Variants in PSMG2 observed in about 807,000 individuals in gnomAD.
The protein encoded by PSMG2 is CD40 ligand-activated specific transcript 3.
Under a neutral mutation model 31.5 loss-of-function variants are expected in PSMG2, and 21 were observed. The ratio of observed to expected loss-of-function variants is 0.67; its 90% CI spans 0.47 to 0.96. PSMG2 has a LOEUF of 0.96. PSMG2 is among the 40% of genes least tolerant of loss of function. PSMG2 has a pLI of 0.00. For missense variants in PSMG2, 318 were observed against 321.2 expected (o/e 0.99, Z 0.08); for synonymous variants, 120 against 110.4 (o/e 1.09, Z -0.54).
At chr18:12,703,018 G>A, upstream of PSMG2, 4 of 1,456,262 alleles carry the variant, frequency 2.7e-6, no homozygotes, top group South Asian at 5.0e-5. Context: ...CGCGCCCCGC[G>A]AGGCTCCGGG....
chr18:12,691,649 C>T (rs552734271), intron 1 of PSMG2, among the ~76,000 whole-genome samples: 5 of 152,220 alleles, frequency 3.3e-5, no homozygotes, highest in African/African-American at 9.6e-5. Flanking sequence ...ACACTTACCC[C>T]TAGTACAATC....
At chr18:12,699,838 A>T (rs2040089507), upstream of PSMG2, 1 of 1,555,192 alleles carries the variant, frequency 6.4e-7, no homozygotes, top group Non-Finnish European at 8.8e-7. Context: ...ACTTTTTTTT[A>T]ATGTCGATTG....
chr18:12,687,454 AT>A (rs1259960536), intron 1 of PSMG2, among the ~76,000 whole-genome samples: 2,458 of 140,694 alleles, frequency 0.017, 11 homozygotes, highest in East Asian at 0.02. Flanking sequence ...GAAGGCATCA[AT>A]TTTTTTTTTT....
chr18:12,703,135 C>T lies in PSMG2; in HGVS notation c.28C>T (p.Pro10Ser), dbSNP rs1219188878. The T allele has an allele frequency of 1.2e-6, 2 of 1,612,406 alleles. No individual in the cohort carries two copies. Among genetic ancestry groups the T allele is most frequent in the East Asian group, 4.5e-5 (2 of 44,806 alleles). Residue 10 changes from proline to serine, a missense_variant, in exon 1 of 7, where the codon CCC (proline) becomes TCC (serine). Transcript: ENST00000317615. The stretch of plus-strand genomic sequence containing the variant: ...GTTCGTTCCCTGCGGGGAGTCGGCC[C>T]CCGACCTTGCCGGCTTCACCCTCCT... Reference protein sequence around the residue: MFVPCGESAPDLAGFTLLMP... With the variant: MFVPCGESASDLAGFTLLMP...
upstream of PSMG2, chr18:12,699,707 T>G (rs1364648233): frequency 3.3e-6 from 2 of 598,762 alleles, no homozygotes; most frequent in Admixed American, 7.2e-5. Flanking sequence ...TAGCCAACCA[T>G]AAAATTTTAA....
At chr18:12,664,761 C>A (rs2038771515) in intron 1 of PSMG2, among the ~76,000 whole-genome samples, 1 of 149,466 alleles carries the variant, frequency 6.7e-6, no homozygotes, top group Non-Finnish European at 1.5e-5. Flanking sequence ...TGCAGTGGTA[C>A]AATCTCAGCT....
At chr18:12,678,532 T>G in intron 1 of PSMG2, 1 of 789,726 alleles carries the variant, frequency 1.3e-6, no homozygotes, top group Non-Finnish European at 2.0e-6. Flanking sequence ...CTTAAGGCCA[T>G]AACTACTTCT....
chr18:12,702,413 C>T, upstream of PSMG2: 2 of 1,210,266 alleles, frequency 1.7e-6, no homozygotes, highest in Non-Finnish European at 2.4e-6. Context: ...CCGCTGTCGG[C>T]CCGGGGCCGC....
chr18:12,708,700 CT>C (rs71371298), intron 2 of PSMG2, among the ~76,000 whole-genome samples: 1,104 of 88,732 alleles, frequency 0.012, 4 homozygotes, highest in Non-Finnish European at 0.015. Flanking sequence ...TTACAACGTT[CT>C]TTTTTTTTTT....
At chr18:12,681,755 T>C (rs570436311) in intron 1 of PSMG2, among the ~76,000 whole-genome samples, 2 of 152,174 alleles carry the variant, frequency 1.3e-5, no homozygotes, top group Non-Finnish European at 2.9e-5. Flanking sequence ...GGGGAGGTTA[T>C]ATATAATTTT....
At chr18:12,661,382 A>G (rs2038693146) in intron 1 of PSMG2, 2 of 983,496 alleles carry the variant, frequency 2.0e-6, no homozygotes, top group African/African-American at 1.7e-5. Context: ...ACTGCTGACC[A>G]CTCAAAGGCT....
chr18:12,725,373 A>G (rs1435060750), intron 6 of PSMG2, 66 bp from the exon 7 acceptor site: 9 of 1,290,102 alleles, frequency 7.0e-6, no homozygotes, highest in Non-Finnish European at 1.1e-6. Context: ...GAGTTTTATA[A>G]TTCACTTTAA....
intron 1 of PSMG2, among the ~76,000 whole-genome samples, chr18:12,665,920 C>T (rs1009982089): frequency 7.2e-5 from 11 of 152,136 alleles, no homozygotes; most frequent in Non-Finnish European, 1.3e-4. Flanking sequence ...TGGTCTTGAA[C>T]GCCTGACCCC....
intron 1 of PSMG2, among the ~76,000 whole-genome samples, chr18:12,681,749 A>G (rs1383367332): frequency 6.6e-6 from 1 of 152,174 alleles, no homozygotes; most frequent in Non-Finnish European, 1.5e-5. Flanking sequence ...ATTACTGGGG[A>G]GGTTATATAT....
Position 12,719,468 on chromosome 18 carries a change from A to G in PSMG2, c.407+833A>G, listed in dbSNP as rs560891382. ...AGTGGCATGGTCTCAGCTCACTGCA[A>G]CCTCCACCTCCTGGATTCAAGCGAT... is the stretch of plus-strand genomic sequence containing the variant. On this transcript the variant is annotated intron_variant, in intron 4 of 6. Transcript: ENST00000317615. 3.3e-5 allele frequency among the ~76,000 whole-genome samples: 5 copies of G among 150,650 alleles called. No homozygotes were observed. In the South Asian group the frequency reaches 8.4e-4, roughly 25 times the overall value.
intron 1 of PSMG2, among the ~76,000 whole-genome samples, chr18:12,675,923 C>A (rs1057231985): frequency 2.0e-5 from 3 of 152,064 alleles, no homozygotes; most frequent in Non-Finnish European, 4.4e-5. Context: ...CCCACCTCGG[C>A]CTCCCAAAGT....
At chr18:12,699,837 T>A (rs775897465), upstream of PSMG2, 40 of 1,554,314 alleles carry the variant, frequency 2.6e-5, no homozygotes, top group South Asian at 2.0e-4. Flanking sequence ...TACTTTTTTT[T>A]AATGTCGATT....
intron 2 of PSMG2, among the ~76,000 whole-genome samples, chr18:12,710,561 A>G (rs1397165085): frequency 2.0e-5 from 3 of 151,996 alleles, no homozygotes; most frequent in African/African-American, 7.3e-5. Context: ...AAACCGATTT[A>G]TTGAAGAAAA....
chr18:12,706,789 T>A, intron 2 of PSMG2, 68 bp downstream of exon 2: 1 of 1,465,528 alleles, frequency 6.8e-7, no homozygotes, highest in Non-Finnish European at 9.2e-7. Flanking sequence ...AAATAGACTT[T>A]ATTGATAATT....
Sources: allele counts gnomAD v4.1 joint callset (sites outside exome capture counted in the v4.1 genomes callset), GRCh38; gene constraint gnomAD v4.1.1; transcripts MANE v1.5; gene names NCBI Gene and HGNC (gene_info 2026-07-23, HGNC 2026-07-21).